The following ARL15 variants were observed in gnomAD, a reference collection of about 807,000 sequenced individuals.
ARL15 encodes ARF like GTPase 15.
Under a neutral mutation model 25.2 loss-of-function variants are expected in ARL15, and 19 were observed. The ratio of observed to expected loss-of-function variants is 0.75; its 90% CI spans 0.53 to 1.10. ARL15 has a LOEUF of 1.10. Among genes scored for constraint, ARL15 ranks in the 50% least tolerant of loss-of-function variants. The probability of loss-of-function intolerance (pLI) is 0.00; values close to 1 mark genes in which losing one functional copy is unlikely to be tolerated. For missense variants in ARL15, 220 were observed against 246.0 expected, an observed-to-expected ratio of 0.89 and a Z score of 0.71; for synonymous variants, 94 against 86.8, an observed-to-expected ratio of 1.08 and a Z score of -0.46.
intron 4 of ARL15, among the ~76,000 whole-genome samples, chr5:54,010,851 T>C (rs1373929259): frequency 6.6e-6 from 1 of 151,722 alleles, no homozygotes; most frequent in Non-Finnish European, 1.5e-5. Context: ...TACAAAAAAT[T>C]AGCGGGGCTT....
At chr5:54,064,700 A>T (rs1350346943) in intron 4 of ARL15, among the ~76,000 whole-genome samples, 1 of 149,978 alleles carries the variant, frequency 6.7e-6, no homozygotes, top group Non-Finnish European at 1.5e-5. Context: ...GTTCTCCCTG[A>T]GGTTTTATGA....
chr5:54,093,706 GAA>G (rs1024505236), intron 4 of ARL15, among the ~76,000 whole-genome samples: 3 of 136,462 alleles, frequency 2.2e-5, no homozygotes, highest in African/African-American at 8.1e-5. Context: ...AAAAAAAAAA[GAA>G]AAAAGACTGA....
rs560066580 is a variant in ARL15 at position 54,179,758 on chromosome 5, C to T, written c.49-7830G>A. 2.6e-5 allele frequency among the ~76,000 whole-genome samples: 4 copies of T among 152,146 alleles called. No homozygotes were observed. The East Asian group carries it at 7.7e-4, about 29-fold the overall frequency. ...GCCAGCCAGGTGCAGTGACTCACACCTGTAATCCCTGCACTTTGGGAGGCC... is the reference window on the plus strand; with the variant it reads ...GCCAGCCAGGTGCAGTGACTCACACTTGTAATCCCTGCACTTTGGGAGGCC... On this transcript the variant is annotated intron_variant, in intron 1 of 4. Transcript: ENST00000504924.
chr5:54,096,699 C>T (rs1157415910), intron 4 of ARL15, among the ~76,000 whole-genome samples: 1 of 152,128 alleles, frequency 6.6e-6, no homozygotes, highest in African/African-American at 2.4e-5. Flanking sequence ...TGTGAGCCAC[C>T]GTGCCCGGCC....
chr5:53,919,500 G>T (rs16881847), intron 4 of ARL15, among the ~76,000 whole-genome samples: 35,530 of 152,062 alleles, frequency 0.23, 4,633 homozygotes, highest in African/African-American at 0.34. Context: ...GATCAGCCTA[G>T]TGCTTTCTAT....
intron 4 of ARL15, among the ~76,000 whole-genome samples, chr5:53,972,481 T>C (rs1031318822): frequency 6.6e-6 from 1 of 152,200 alleles, no homozygotes; most frequent in Non-Finnish European, 1.5e-5. Flanking sequence ...GAACAAGTCA[T>C]TTAATCTTTC....
At chr5:54,080,861 A>T (rs1006841281) in intron 4 of ARL15, among the ~76,000 whole-genome samples, 6 of 152,176 alleles carry the variant, frequency 3.9e-5, no homozygotes, top group African/African-American at 1.2e-4. Flanking sequence ...GTCTATAAGC[A>T]TCTTAGTTTT....
intron 4 of ARL15, among the ~76,000 whole-genome samples, chr5:54,060,497 C>T (rs1251120392): frequency 6.6e-6 from 1 of 152,172 alleles, no homozygotes; most frequent in Admixed American, 6.5e-5. Context: ...TTTCCCTGGA[C>T]AAACTCTTTT....
At chr5:54,122,392 A>C (rs1224806077) in intron 3 of ARL15, among the ~76,000 whole-genome samples, 3 of 152,278 alleles carry the variant, frequency 2.0e-5, no homozygotes, top group Non-Finnish European at 4.4e-5. Context: ...AAAACTGATC[A>C]CTAATACAAA....
chr5:54,229,311 CA>C (rs1756604652), intron 1 of ARL15, among the ~76,000 whole-genome samples: 1 of 152,158 alleles, frequency 6.6e-6, no homozygotes, highest in African/African-American at 2.4e-5. Flanking sequence ...GCAGTTACAA[CA>C]TGCACCTTGA....
chr5:53,989,985 G>C (rs1048641053), intron 4 of ARL15, among the ~76,000 whole-genome samples: 3 of 152,130 alleles, frequency 2.0e-5, no homozygotes, highest in Non-Finnish European at 4.4e-5. Flanking sequence ...TGTAATTCCA[G>C]CGCTTTGGGA....
rs201609372 is a variant in ARL15, at chr5:54,049,597, TTTG to T, written c.462+63602_462+63604del. ...GCAAACCATTTGGTGACACAGAGGT[TTTG>T]TTGTTGTTGTTGTTGTTTGAGATAG... On this transcript the variant is annotated intron_variant, in intron 4 of 4. Coordinates refer to ENST00000504924, the MANE Select transcript of ARL15 (RefSeq NM_019087.3). Among the ~76,000 whole-genome samples the T allele has an allele frequency of 3.5e-3, 528 of 150,012 alleles. 1 individual carries two copies. The highest frequency in any genetic ancestry group is 0.012 in the African/African-American group (499 of 40,800).
intron 4 of ARL15, among the ~76,000 whole-genome samples, chr5:53,986,998 T>C (rs868274718): frequency 5.9e-5 from 9 of 152,194 alleles, no homozygotes; most frequent in Admixed American, 3.3e-4. Context: ...ACAAAAGAAG[T>C]TAGTACAGCT....
At chr5:54,220,816 T>C (rs1308510558) in intron 1 of ARL15, among the ~76,000 whole-genome samples, 1 of 152,184 alleles carries the variant, frequency 6.6e-6, no homozygotes, top group Non-Finnish European at 1.5e-5. Flanking sequence ...CAATAAATTG[T>C]GCAGTCCTCC....
chr5:53,989,611 G>T (rs1276560167), intron 4 of ARL15, among the ~76,000 whole-genome samples: 3 of 151,878 alleles, frequency 2.0e-5, no homozygotes, highest in Non-Finnish European at 4.4e-5. Flanking sequence ...ATGGGTGTGT[G>T]TATCCCCTTG....
At chr5:54,275,445 G>A (rs1287690839) in intron 1 of ARL15, among the ~76,000 whole-genome samples, 3 of 152,150 alleles carry the variant, frequency 2.0e-5, no homozygotes, top group Non-Finnish European at 2.9e-5. Flanking sequence ...GGCAAGTGAT[G>A]TCTGTGATTT....
At chr5:53,909,861 T>C (rs936193833) in intron 4 of ARL15, among the ~76,000 whole-genome samples, 2 of 152,206 alleles carry the variant, frequency 1.3e-5, no homozygotes, top group Non-Finnish European at 2.9e-5. Context: ...ACATGAGTTA[T>C]ATGAATGTGA....
At chr5:54,114,407 A>G (rs866515335) in intron 3 of ARL15, among the ~76,000 whole-genome samples, 1 of 55,762 alleles carries the variant, frequency 1.8e-5, no homozygotes, top group Admixed American at 2.3e-4. Context: ...CCATCTCAAG[A>G]AAAAAAAAAA....
At chr5:54,298,677 A>G (rs1367793820) in intron 1 of ARL15, among the ~76,000 whole-genome samples, 1 of 152,046 alleles carries the variant, frequency 6.6e-6, no homozygotes, top group South Asian at 2.1e-4. Context: ...AAGGCCCATG[A>G]CAGCCCTCTG....
Sources: allele counts gnomAD v4.1 joint callset (sites outside exome capture counted in the v4.1 genomes callset), GRCh38; gene constraint gnomAD v4.1.1; transcripts MANE v1.5; gene names NCBI Gene and HGNC (gene_info 2026-07-23, HGNC 2026-07-21).